ABCA13: variants seen among roughly 807,000 people sequenced by gnomAD.
ABCA13 encodes the protein ATP binding cassette subfamily A member 13.
ABCA13 carries 476 observed loss-of-function variants against 478.7 expected under a neutral mutation model. That is an observed-to-expected ratio of 0.99 (90% CI 0.92 to 1.07). The LOEUF (loss-of-function observed/expected upper bound fraction) is 1.07, where lower values mean the gene tolerates loss of function less well. ABCA13 is among the 50% of genes least tolerant of loss of function. ABCA13 has a pLI of 0.00. For missense variants in ABCA13, 6,060 were observed against 5,910.6 expected (o/e 1.03, Z -0.83); for synonymous variants, 2,252 against 2,158.9 (o/e 1.04, Z -1.20).
At chr7:48,522,221 T>C (rs934700997) in intron 53 of ABCA13, among the ~76,000 whole-genome samples, 6 of 152,206 alleles carry the variant, frequency 3.9e-5, no homozygotes, top group African/African-American at 1.4e-4. Context: ...GGATAGATCC[T>C]GCCTTCCCAG....
intron 32 of ABCA13, among the ~76,000 whole-genome samples, chr7:48,369,694 T>A (rs1008862103): frequency 6.6e-6 from 1 of 152,116 alleles, no homozygotes; most frequent in African/African-American, 2.4e-5. Flanking sequence ...TGAAGATCAG[T>A]TGGCTGTAAA....
At chr7:48,299,273 A>G (rs868253741) in intron 23 of ABCA13, among the ~76,000 whole-genome samples, 2 of 152,310 alleles carry the variant, frequency 1.3e-5, no homozygotes, top group South Asian at 4.1e-4. Context: ...ACTGGGCCCC[A>G]ACACACGTTT....
chr7:48,498,412 A>G (rs1290742482), intron 48 of ABCA13, among the ~76,000 whole-genome samples: 1 of 152,118 alleles, frequency 6.6e-6, no homozygotes, highest in Non-Finnish European at 1.5e-5. Flanking sequence ...AAGCCAGAAT[A>G]TTTACTGTTG....
At chr7:48,286,214 C>G (rs756178606) in intron 19 of ABCA13, among the ~76,000 whole-genome samples, 8 of 152,164 alleles carry the variant, frequency 5.3e-5, no homozygotes, top group Non-Finnish European at 1.2e-4. Flanking sequence ...CATTGGGCTT[C>G]ACTCTTGGTG....
At chr7:48,405,063 C>G (rs963258669) in intron 39 of ABCA13, among the ~76,000 whole-genome samples, 2 of 152,210 alleles carry the variant, frequency 1.3e-5, no homozygotes, top group African/African-American at 2.4e-5. Flanking sequence ...AAATCCAGGT[C>G]CCAGTGAGGC....
chr7:48,512,166 C>A (rs890519352), intron 51 of ABCA13, among the ~76,000 whole-genome samples: 7 of 151,994 alleles, frequency 4.6e-5, no homozygotes, highest in African/African-American at 1.7e-4. Flanking sequence ...ACAAGACAGA[C>A]AGACAAACTT....
intron 31 of ABCA13, among the ~76,000 whole-genome samples, chr7:48,365,907 A>C (rs1811593159): frequency 6.6e-6 from 1 of 152,192 alleles, no homozygotes; most frequent in African/African-American, 2.4e-5. Flanking sequence ...AAAAATTGTT[A>C]AAATGTCTAC....
At chr7:48,370,664 T>G (rs191787847) in intron 32 of ABCA13, among the ~76,000 whole-genome samples, 3 of 152,138 alleles carry the variant, frequency 2.0e-5, no homozygotes, top group African/African-American at 4.8e-5. Context: ...GAAATCAAGG[T>G]GGAAACTAAC....
intron 56 of ABCA13, among the ~76,000 whole-genome samples, chr7:48,583,436 A>C (rs562349745): frequency 6.6e-6 from 1 of 152,298 alleles, no homozygotes; most frequent in South Asian, 2.1e-4. Flanking sequence ...GTGCTAGTGG[A>C]AACACTTTGG....
chr7:48,521,197 T>G (rs1365765309), intron 53 of ABCA13, among the ~76,000 whole-genome samples: 1 of 152,202 alleles, frequency 6.6e-6, no homozygotes, highest in African/African-American at 2.4e-5. Context: ...TCCACAATGG[T>G]TGGCTTCCCC....
chr7:48,380,123 T>C (rs188221948), intron 35 of ABCA13, among the ~76,000 whole-genome samples: 1 of 152,348 alleles, frequency 6.6e-6, no homozygotes, highest in African/African-American at 2.4e-5. Flanking sequence ...GGGAGCCTCA[T>C]GTTAATCATC....
intron 22 of ABCA13, 147 bp from the exon 23 acceptor site, chr7:48,298,219 G>GTA: frequency 1.5e-6 from 1 of 688,406 alleles, no homozygotes; most frequent in African/African-American, 1.8e-5. Flanking sequence ...TCCCAGGGGA[G>GTA]TAAGGTATGA....
At chr7:48,586,853 C>T (rs1057283052) in intron 56 of ABCA13, among the ~76,000 whole-genome samples, 7 of 152,142 alleles carry the variant, frequency 4.6e-5, no homozygotes, top group African/African-American at 1.7e-4. Context: ...CTCACCTCAA[C>T]ATGCTTATTT....
intron 41 of ABCA13, among the ~76,000 whole-genome samples, chr7:48,420,658 G>C (rs143697165): frequency 9.0e-4 from 136 of 151,556 alleles, no homozygotes; most frequent in Non-Finnish European, 1.4e-3. Context: ...AGTTCCTTGG[G>C]TGCATGAACT....
chr7:48,630,244 C>T (rs1007804221), intron 59 of ABCA13, among the ~76,000 whole-genome samples: 2 of 151,978 alleles, frequency 1.3e-5, no homozygotes, highest in African/African-American at 4.8e-5. Flanking sequence ...TTGGTGTACA[C>T]GTTATTTCAT....
At chr7:48,369,707 T>C (rs1752073237) in intron 32 of ABCA13, among the ~76,000 whole-genome samples, 1 of 152,148 alleles carries the variant, frequency 6.6e-6, no homozygotes, top group South Asian at 2.1e-4. Context: ...GCTGTAAATA[T>C]TTGGTTTTAT....
rs756778938 is a variant in ABCA13, at chr7:48,516,873, A to G, written c.13789A>G (p.Lys4597Glu). ...IMPRLLAIIS[K>E]AKNLQNIYDV... Reference sequence around the variant, plus strand: ...GCCCCGGTTGCTAGCCATCATCTCCAAAGCTAAGGTCAGTAGCTTTGTAGC... The same window carrying G: ...GCCCCGGTTGCTAGCCATCATCTCCGAAGCTAAGGTCAGTAGCTTTGTAGC... The change falls in exon 52 of 62, where the codon AAA becomes GAA. Residue 4597 changes from lysine to glutamate, a missense_variant. By Grantham distance (56) the Lys-to-Glu change is moderately conservative. Coordinates refer to ENST00000435803, the MANE Select transcript of ABCA13 (RefSeq NM_152701.5). The G allele has an allele frequency of 1.2e-6, 2 of 1,613,548 alleles. No homozygotes were observed.
intron 42 of ABCA13, among the ~76,000 whole-genome samples, chr7:48,451,182 G>C (rs1156538291): frequency 6.6e-6 from 1 of 151,722 alleles, no homozygotes; most frequent in Non-Finnish European, 1.5e-5. Flanking sequence ...ATTTTTAGTA[G>C]ACACAGGGTT....
intron 57 of ABCA13, among the ~76,000 whole-genome samples, chr7:48,588,047 A>T (rs1789363158): frequency 1.3e-5 from 2 of 152,158 alleles, no homozygotes; most frequent in African/African-American, 4.8e-5. Context: ...AACAAAACAG[A>T]TTCCTTTTTT....
Sources: gnomAD v4.1 joint callset for allele counts (sites outside exome capture counted in the v4.1 genomes callset) on GRCh38, gnomAD v4.1.1 for gene constraint, MANE v1.5 for transcripts, NCBI Gene and HGNC (gene_info 2026-07-23, HGNC 2026-07-21) for gene names.